Variants in ASIC2 observed in about 807,000 individuals in gnomAD.
The protein encoded by ASIC2 is acid sensing ion channel subunit 2.
Under a neutral mutation model 57.3 loss-of-function variants are expected in ASIC2, and 25 were observed. The ratio of observed to expected loss-of-function variants is 0.44; its 90% CI spans 0.32 to 0.61. The LOEUF (loss-of-function observed/expected upper bound fraction) is 0.61, where lower values mean the gene tolerates loss of function less well. Among genes scored for constraint, ASIC2 ranks in the 20% least tolerant of loss-of-function variants. The pLI is 0.06. For missense variants in ASIC2, 641 were observed against 738.1 expected, an observed-to-expected ratio of 0.87 and a Z score of 1.52; for synonymous variants, 319 against 307.5, an observed-to-expected ratio of 1.04 and a Z score of -0.39.
intron 1 of ASIC2, among the ~76,000 whole-genome samples, chr17:33,799,418 TCTTTCTTTC>T (rs1313315192): frequency 4.6e-4 from 34 of 74,144 alleles, no homozygotes; most frequent in African/African-American, 1.7e-3. Flanking sequence ...TTTCTTTCTT[TCTTTCTTTC>T]TTCTTTCTTT....
intron 1 of ASIC2, among the ~76,000 whole-genome samples, chr17:34,065,784 G>T (rs1288375479): frequency 6.6e-6 from 1 of 152,134 alleles, no homozygotes; most frequent in African/African-American, 2.4e-5. Context: ...TCAAGCTTAA[G>T]GACAAGAGAA....
intron 1 of ASIC2, among the ~76,000 whole-genome samples, chr17:34,014,851 C>A (rs1222623284): frequency 3.3e-5 from 5 of 151,992 alleles, no homozygotes; most frequent in African/African-American, 1.2e-4. Flanking sequence ...TTCTTTTATC[C>A]CAGATCCCTC....
chr17:33,742,204 C>T (rs774669936), intron 1 of ASIC2, among the ~76,000 whole-genome samples: 4 of 152,202 alleles, frequency 2.6e-5, no homozygotes, highest in Non-Finnish European at 5.9e-5. Flanking sequence ...CTTGCATAGA[C>T]TGATTGCTGC....
intron 1 of ASIC2, among the ~76,000 whole-genome samples, chr17:33,324,999 G>A (rs1015249624): frequency 6.6e-6 from 1 of 152,174 alleles, no homozygotes; most frequent in African/African-American, 2.4e-5. Flanking sequence ...GGAAGAAGAG[G>A]GGGTGAATGC....
chr17:33,798,211 G>T (rs1388208276), intron 1 of ASIC2, among the ~76,000 whole-genome samples: 1 of 152,260 alleles, frequency 6.6e-6, no homozygotes, highest in East Asian at 1.9e-4. Context: ...GAAAGTTGGG[G>T]CAGGAGGAGG....
At chr17:33,800,785 T>C (rs2932925) in intron 1 of ASIC2, among the ~76,000 whole-genome samples, 143,349 of 152,262 alleles carry the variant, frequency 0.94, 67,525 homozygotes, top group Middle Eastern at 0.98. Flanking sequence ...ATTCCAAGTG[T>C]TTTCCATGCA....
At chr17:33,107,663 G>T (rs11869072) in intron 2 of ASIC2, among the ~76,000 whole-genome samples, 5,617 of 152,298 alleles carry the variant, frequency 0.037, 321 homozygotes, top group African/African-American at 0.13. Context: ...TAGAGTCATT[G>T]TCTACTCACT....
At chr17:33,169,526 A>C (rs1332925214) in intron 1 of ASIC2, among the ~76,000 whole-genome samples, 2 of 152,260 alleles carry the variant, frequency 1.3e-5, no homozygotes, top group African/African-American at 2.4e-5. Flanking sequence ...AGAAAACAGA[A>C]GCTCAGAAAG....
At chr17:33,808,437 T>C (rs766097344) in intron 1 of ASIC2, among the ~76,000 whole-genome samples, 1 of 152,252 alleles carries the variant, frequency 6.6e-6, no homozygotes, top group Non-Finnish European at 1.5e-5. Context: ...AGCTTCATAG[T>C]AAGCCTTGAA....
intron 1 of ASIC2, among the ~76,000 whole-genome samples, chr17:33,818,956 C>G (rs1350328194): frequency 6.6e-6 from 1 of 152,220 alleles, no homozygotes; most frequent in Non-Finnish European, 1.5e-5. Flanking sequence ...TGAGCAGTCT[C>G]AGGCTGCTTG....
At chr17:33,454,071 T>C (rs1912364592) in intron 1 of ASIC2, among the ~76,000 whole-genome samples, 1 of 152,258 alleles carries the variant, frequency 6.6e-6, no homozygotes. Flanking sequence ...AAATCTGTGA[T>C]GTGCATTTGC....
At chr17:34,031,474 T>G (rs1907609215) in intron 1 of ASIC2, among the ~76,000 whole-genome samples, 1 of 152,212 alleles carries the variant, frequency 6.6e-6, no homozygotes, top group Non-Finnish European at 1.5e-5. Context: ...TCCAAAGGAA[T>G]GCAGCTCCTC....
At chr17:33,519,022 A>T (rs964419226) in intron 1 of ASIC2, among the ~76,000 whole-genome samples, 3 of 96,260 alleles carry the variant, frequency 3.1e-5, no homozygotes, top group Non-Finnish European at 6.6e-5. Flanking sequence ...GGGTTTCACC[A>T]TGTTGGCCAG....
At chr17:33,328,153 C>A (rs368166365) in intron 1 of ASIC2, among the ~76,000 whole-genome samples, 1 of 13,162 alleles carries the variant, frequency 7.6e-5, no homozygotes, top group African/African-American at 2.5e-4. Flanking sequence ...TACAGCAGCT[C>A]TACTAGGAAA....
At chr17:34,088,705 C>T (rs919695547) in intron 1 of ASIC2, among the ~76,000 whole-genome samples, 13 of 152,352 alleles carry the variant, frequency 8.5e-5, no homozygotes, top group South Asian at 4.1e-4. Context: ...TCAAGCTTCC[C>T]GGCTGCTTTG....
rs928325824 is a variant in ASIC2 at position 33,661,577 on chromosome 17, C to T, written c.555+494401G>A. ...TCTTATTCCTAGCCAAGTGTCCTTC[C>T]TTCAGAACCTCAAGTTTAGGCAGGG... On this transcript the variant is annotated intron_variant, in intron 1 of 9. Transcript: ENST00000359872. 3.3e-4 allele frequency among the ~76,000 whole-genome samples: 50 copies of T among 152,182 alleles called. 1 individual carries two copies. The highest frequency in any genetic ancestry group is 1.2e-3 in the African/African-American group (50 of 41,452).
intron 1 of ASIC2, among the ~76,000 whole-genome samples, chr17:33,332,684 A>T (rs1032854670): frequency 6.6e-6 from 1 of 152,134 alleles, no homozygotes; most frequent in Admixed American, 6.5e-5. Context: ...TGAGGTCAGG[A>T]GTTCGAGAGC....
intron 1 of ASIC2, chr17:34,002,246 T>C (rs1375306081): frequency 1.3e-5 from 2 of 152,262 alleles, no homozygotes; most frequent in Admixed American, 1.3e-4. Context: ...CAGAGGGAAC[T>C]ATAAGGAGGC....
chr17:33,430,441 G>A (rs1387849870), intron 1 of ASIC2, among the ~76,000 whole-genome samples: 2 of 152,140 alleles, frequency 1.3e-5, no homozygotes, highest in African/African-American at 4.8e-5. Flanking sequence ...TTAAAAACTG[G>A]TTACATAGGT....
Sources: allele counts gnomAD v4.1 joint callset (sites outside exome capture counted in the v4.1 genomes callset), GRCh38; gene constraint gnomAD v4.1.1; transcripts MANE v1.5; gene names NCBI Gene and HGNC (gene_info 2026-07-23, HGNC 2026-07-21).